Variants in ABI3BP observed in about 807,000 individuals in gnomAD.
The protein encoded by ABI3BP is target of Nesh-SH3.
In ABI3BP, 216 loss-of-function variants were observed where a neutral mutation model predicts 268.6. The ratio of observed to expected loss-of-function variants is 0.80; its 90% CI spans 0.72 to 0.90. The LOEUF (loss-of-function observed/expected upper bound fraction) is 0.90. ABI3BP is among the 40% of genes least tolerant of loss of function. ABI3BP has a pLI of 0.00. For missense variants in ABI3BP, 2,090 were observed against 2,182.4 expected (o/e 0.96, Z 0.84); for synonymous variants, 730 against 730.0 (o/e 1.00, Z 0.00).
Position 100,862,883 on chromosome 3 carries a change from C to T in ABI3BP, c.1165G>A (p.Glu389Lys). The T allele has an allele frequency of 1.3e-6, 2 of 1,535,710 alleles. No homozygotes were observed. Among genetic ancestry groups the T allele is most frequent in the Non-Finnish European group, 1.7e-6 (2 of 1,146,738 alleles). ...LAPKSLPEFP[E>K]AKTPFPFEKP... is the part of the protein sequence containing the mutation. ...TCAAAAGGGAAGGGTGTTTTTGCCTCAGGAAATTCTGGAAGGCTTTTTGGA... is the reference window on the plus strand; with the variant it reads ...TCAAAAGGGAAGGGTGTTTTTGCCTTAGGAAATTCTGGAAGGCTTTTTGGA... Residue 389 changes from glutamate to lysine, a missense_variant, in exon 13 of 68, where the codon GAG (glutamate) becomes AAG (lysine). Coordinates refer to ENST00000471714, the MANE Select transcript of ABI3BP (RefSeq NM_001375547.2).
At chr3:100,779,583 T>C (rs1056654377) in intron 58 of ABI3BP, among the ~76,000 whole-genome samples, 1 of 151,894 alleles carries the variant, frequency 6.6e-6, no homozygotes, top group Non-Finnish European at 1.5e-5. Flanking sequence ...GGAAAATGCC[T>C]GGTATACTAG....
At chr3:100,864,571 G>C (rs974608443) in intron 11 of ABI3BP, 2 of 449,604 alleles carry the variant, frequency 4.4e-6, no homozygotes, top group African/African-American at 2.0e-5. Context: ...ATAACCCAGA[G>C]ACTGGTTAAA....
chr3:100,944,798 A>G (rs1316861466), intron 1 of ABI3BP, among the ~76,000 whole-genome samples: 1 of 152,150 alleles, frequency 6.6e-6, no homozygotes, highest in Non-Finnish European at 1.5e-5. Context: ...AAAGTCTTCT[A>G]AAGACTGCAG....
Position 100,863,936 on chromosome 3 carries a change from AC to A in ABI3BP, c.1138+65del. 2.6e-6 allele frequency: 3 copies of A among 1,170,116 alleles called. No individual in the cohort carries two copies. The Admixed American group carries it at 6.0e-5, about 23-fold the overall frequency. The allele number at this position is 1,170,116 out of a possible 1,614,324, so 72.5% of individuals were successfully genotyped here. On this transcript the variant is annotated intron_variant, in intron 12 of 67. Coordinates refer to ENST00000471714, the MANE Select transcript of ABI3BP (RefSeq NM_001375547.2). ...TAAATTAGCGTAATTAATTCAAAAGACTTCTTTGAAGCATGCATACAATATC... is the reference window on the plus strand; with the variant it reads ...TAAATTAGCGTAATTAATTCAAAAGATTCTTTGAAGCATGCATACAATATC...
chr3:100,834,598 T>A (rs751529361), intron 29 of ABI3BP, 86 bp downstream of exon 29: 1 of 1,275,546 alleles, frequency 7.8e-7, no homozygotes, highest in Non-Finnish European at 1.1e-6. Flanking sequence ...AAGGGTCAAG[T>A]GGGTTATAAA....
chr3:100,788,067 C>T (rs1004065829), intron 56 of ABI3BP, among the ~76,000 whole-genome samples: 10 of 151,996 alleles, frequency 6.6e-5, no homozygotes, highest in East Asian at 1.9e-4. Flanking sequence ...ATTTATAATC[C>T]GAAGTGGGAA....
intron 7 of ABI3BP, 60 bp downstream of exon 7, chr3:100,876,452 A>G (rs914122739): frequency 2.1e-6 from 3 of 1,413,476 alleles, no homozygotes; most frequent in Non-Finnish European, 2.9e-6. Flanking sequence ...GTGTTTGATT[A>G]CCTTAGCTAA....
intron 2 of ABI3BP, among the ~76,000 whole-genome samples, chr3:100,912,527 A>G (rs2057109341): frequency 6.6e-6 from 1 of 152,138 alleles, no homozygotes; most frequent in African/African-American, 2.4e-5. Context: ...GACCCTAACA[A>G]GAATAAAATC....
chr3:100,869,106 C>T (rs181799600), intron 9 of ABI3BP, among the ~76,000 whole-genome samples: 1 of 151,900 alleles, frequency 6.6e-6, no homozygotes, highest in East Asian at 1.9e-4. Context: ...GACCTAGGAC[C>T]TCTTATTATT....
intron 4 of ABI3BP, among the ~76,000 whole-genome samples, chr3:100,896,215 C>T (rs769232017): frequency 1.3e-5 from 2 of 152,156 alleles, no homozygotes; most frequent in South Asian, 2.1e-4. Context: ...AGCCAGGGTG[C>T]GTGTGCAAGG....
At chr3:100,750,689 G>A (rs1304439971) in intron 67 of ABI3BP, 79 bp from the exon 68 acceptor site, 24 of 951,574 alleles carry the variant, frequency 2.5e-5, no homozygotes, top group Admixed American at 1.9e-4. Flanking sequence ...GAAGGATGTC[G>A]TTGACTAGCT....
chr3:100,803,975 C>A (rs2097613539), intron 51 of ABI3BP, among the ~76,000 whole-genome samples: 1 of 152,204 alleles, frequency 6.6e-6, no homozygotes, highest in Admixed American at 6.5e-5. Flanking sequence ...CTTAGAAATT[C>A]TTTGGCTCTG....
chr3:100,760,161 C>T (rs2095859189), intron 63 of ABI3BP, among the ~76,000 whole-genome samples: 1 of 152,166 alleles, frequency 6.6e-6, no homozygotes, highest in African/African-American at 2.4e-5. Context: ...AAAATCCTCC[C>T]AAGCCAGAGA....
At chr3:100,875,220 C>G in intron 8 of ABI3BP, among the ~76,000 whole-genome samples, 2 of 152,250 alleles carry the variant, frequency 1.3e-5, no homozygotes, top group South Asian at 4.1e-4. Flanking sequence ...TTATCAATAA[C>G]AATGATTTTT....
chr3:100,890,984 CTT>C (rs35008478), intron 4 of ABI3BP, among the ~76,000 whole-genome samples: 2 of 143,726 alleles, frequency 1.4e-5, no homozygotes, highest in African/African-American at 2.6e-5. Flanking sequence ...AACTGGTCAA[CTT>C]TTTTTTTTTT....
chr3:100,863,047 C>T lies in ABI3BP; in HGVS notation c.1139-138G>A, dbSNP rs1580992532. On this transcript the variant is annotated intron_variant, in intron 12 of 67. Coordinates refer to ENST00000471714, the MANE Select transcript of ABI3BP (RefSeq NM_001375547.2). ...AAGAGACCATTAGTAGTATTTCTTA[C>T]ATCTATGTTTCAATGTTGAATATAA... 9 of 614,542 alleles carry T rather than the reference C, an allele frequency of 1.5e-5. No individual in the cohort carries two copies. In the East Asian group the frequency reaches 2.2e-4, roughly 15 times the overall value. The allele number at this position is 614,542 out of a possible 1,614,324, so 38.1% of individuals were successfully genotyped here. A position where few individuals can be genotyped will look rare whatever the true frequency, so the allele number is the denominator to read the frequency against.
chr3:100,983,363 A>G (rs1404855315), intron 1 of ABI3BP, among the ~76,000 whole-genome samples: 1 of 152,264 alleles, frequency 6.6e-6, no homozygotes, highest in Admixed American at 6.5e-5. Context: ...GTGCACAATT[A>G]AAGAAATTAT....
Position 100,875,482 on chromosome 3 carries a change from CGGCATA to C in ABI3BP, c.817+20_817+25del, listed in dbSNP as rs3839090. The stretch of plus-strand genomic sequence containing the variant: ...AAAGATAGCCCGATTTGCTTAATCT[CGGCATA>C]GATTTCGAGATCCACTCACCTAGTA... On this transcript the variant is annotated intron_variant, in intron 8 of 67. Coordinates refer to ENST00000471714, the MANE Select transcript of ABI3BP (RefSeq NM_001375547.2). 0.6 allele frequency: 939,747 copies of C among 1,576,452 alleles called. 282,994 individuals carry two copies. Among genetic ancestry groups the C allele is most frequent in the Admixed American group, 0.68 (40,910 of 59,790 alleles).
chr3:100,906,581 T>C (rs770910328), intron 2 of ABI3BP, among the ~76,000 whole-genome samples: 6 of 152,226 alleles, frequency 3.9e-5, no homozygotes, highest in Non-Finnish European at 8.8e-5. Flanking sequence ...GAAAGATATA[T>C]ACCTAAAATG....
Sources: allele counts gnomAD v4.1 joint callset (sites outside exome capture counted in the v4.1 genomes callset), GRCh38; gene constraint gnomAD v4.1.1; transcripts MANE v1.5; gene names NCBI Gene and HGNC (gene_info 2026-07-23, HGNC 2026-07-21).